Variants in SMAD2 observed in about 807,000 individuals in gnomAD.
The protein encoded by SMAD2 is MAD homolog 2.
A neutral mutation model predicts 64.4 loss-of-function variants in SMAD2; 8 were observed. The observed-to-expected ratio is 0.12, with a 90% confidence interval of 0.07 to 0.22. The LOEUF (loss-of-function observed/expected upper bound fraction) is 0.22, where lower values mean the gene tolerates loss of function less well. Ranked by LOEUF, SMAD2 falls within the 10% of genes least tolerant of loss-of-function variation. The pLI is 1.00. For missense variants in SMAD2, 289 were observed against 561.2 expected, an observed-to-expected ratio of 0.51 and a Z score of 4.90; for synonymous variants, 203 against 195.8, an observed-to-expected ratio of 1.04 and a Z score of -0.31.
intron 6 of SMAD2, among the ~76,000 whole-genome samples, chr18:47,856,025 T>C (rs907939125): frequency 1.3e-5 from 2 of 151,968 alleles, no homozygotes; most frequent in Non-Finnish European, 2.9e-5. Context: ...AATTGAATGT[T>C]ATCCTGCCTT....
intron 2 of SMAD2, among the ~76,000 whole-genome samples, chr18:47,892,479 CG>C (rs2033243605): frequency 6.6e-6 from 1 of 152,184 alleles, no homozygotes. Flanking sequence ...GGATTACAGG[CG>C]TGAGCCACCA....
intron 2 of SMAD2, among the ~76,000 whole-genome samples, chr18:47,885,561 A>G (rs1355506059): frequency 6.6e-6 from 1 of 152,220 alleles, no homozygotes; most frequent in South Asian, 2.1e-4. Flanking sequence ...TAATCTTAAA[A>G]TAAGTGCATA....
At position 47,923,321 on chromosome 18, in the gene SMAD2, G is replaced by A. The variant is rs117582125; in HGVS notation, c.-54+7040C>T. On this transcript the variant is annotated intron_variant, in intron 1 of 10. Coordinates refer to ENST00000262160, the MANE Select transcript of SMAD2 (RefSeq NM_005901.6). ...CTTCTGAAGCAGCAACTAATACCAC[G>A]TCAATTCACGTGAGTGGGGTCCTCA... 7.2e-5 allele frequency among the ~76,000 whole-genome samples: 11 copies of A among 152,120 alleles called. No individual in the cohort carries two copies. The East Asian group carries it at 1.2e-3, about 16-fold the overall frequency.
intron 7 of SMAD2, among the ~76,000 whole-genome samples, chr18:47,850,462 A>ATATTATG (rs1915216265): frequency 4.2e-4 from 5 of 11,974 alleles, no homozygotes; most frequent in Non-Finnish European, 4.2e-4. Flanking sequence ...TATATATTAT[A>ATATTATG]CATAATATAT....
At chr18:47,861,160 A>C (rs1203941689) in intron 6 of SMAD2, among the ~76,000 whole-genome samples, 1 of 152,160 alleles carries the variant, frequency 6.6e-6, no homozygotes, top group South Asian at 2.1e-4. Context: ...GTTCGAGACC[A>C]GCCTGACCAA....
rs949404228 is a variant in SMAD2, at chr18:47,824,675, A to G, written c.*17152T>C. On this transcript the variant is annotated 3_prime_UTR_variant, in exon 11 of 11. Transcript: ENST00000262160. The stretch of plus-strand genomic sequence containing the variant: ...TTCTACTGTATACTTTTATTTGGGG[A>G]TATCTGCTTCCAAACACACTAAAGT... 12 of 152,166 alleles carry G rather than the reference A, an allele frequency of 7.9e-5. No individual in the cohort carries two copies. Among genetic ancestry groups the G allele is most frequent in the African/African-American group, 2.7e-4 (11 of 41,448 alleles). 9.4% of individuals were successfully genotyped at this position (152,166 alleles called of 1,614,324 possible). A position where few individuals can be genotyped will look rare whatever the true frequency, so the allele number is the denominator to read the frequency against.
chr18:47,904,026 C>T (rs942763032), intron 1 of SMAD2, among the ~76,000 whole-genome samples: 1 of 151,740 alleles, frequency 6.6e-6, no homozygotes, highest in Non-Finnish European at 1.5e-5. Flanking sequence ...TATTAATCCA[C>T]ATATGGAAAG....
rs1300663518 is a variant in SMAD2, at chr18:47,837,790, A to G, written c.*4037T>C. The G allele has an allele frequency of 4.3e-6, 1 of 232,944 alleles. No individual in the cohort carries two copies. Among genetic ancestry groups the G allele is most frequent in the Non-Finnish European group, 8.5e-6 (1 of 117,852 alleles). The allele number at this position is 232,944 out of a possible 1,614,324, so 14.4% of individuals were successfully genotyped here. On this transcript the variant is annotated 3_prime_UTR_variant, in exon 11 of 11. Coordinates refer to ENST00000262160, the MANE Select transcript of SMAD2 (RefSeq NM_005901.6). ...TATTCATTGTTCATGTCCACAGACT[A>G]GATATCTAAAGAGATACTTGGTGGG... is the stretch of plus-strand genomic sequence containing the variant.
intron 2 of SMAD2, among the ~76,000 whole-genome samples, chr18:47,891,011 T>C (rs1014944636): frequency 6.6e-6 from 1 of 152,044 alleles, no homozygotes; most frequent in African/African-American, 2.4e-5. Context: ...TGTTTAAAAG[T>C]CTGTAAGAGG....
Position 47,864,753 on chromosome 18 carries a change from G to A in SMAD2, c.730+306C>T, listed in dbSNP as rs1380239506. On this transcript the variant is annotated intron_variant, in intron 6 of 10. Coordinates refer to ENST00000262160, the MANE Select transcript of SMAD2 (RefSeq NM_005901.6). Reference sequence around the variant, plus strand: ...TATCACAGAGAGATACTTAGTCATAGGGTTACTAAAATTTTCAACAGAAGC... The same window carrying A: ...TATCACAGAGAGATACTTAGTCATAAGGTTACTAAAATTTTCAACAGAAGC... Among the ~76,000 whole-genome samples, 3 of 152,000 alleles carry A rather than the reference G, an allele frequency of 2.0e-5. No homozygotes were observed. In the East Asian group the frequency reaches 5.8e-4, roughly 29 times the overall value.
intron 1 of SMAD2, among the ~76,000 whole-genome samples, chr18:47,911,281 G>A (rs1435851084): frequency 6.6e-6 from 1 of 151,732 alleles, no homozygotes; most frequent in East Asian, 1.9e-4. Flanking sequence ...AACCTGGGAG[G>A]CAGAGGTTGC....
chr18:47,845,860 G>C (rs2144291595), intron 8 of SMAD2, 60 bp from the exon 9 acceptor site: 1 of 1,502,282 alleles, frequency 6.7e-7, no homozygotes, highest in Non-Finnish European at 9.3e-7. Flanking sequence ...TGTGACTTTG[G>C]AAGCATTTTC....
At chr18:47,853,450 G>A in intron 6 of SMAD2, 1 of 213,788 alleles carries the variant, frequency 4.7e-6, no homozygotes, top group Non-Finnish European at 8.8e-6. Flanking sequence ...CTTGAATCCA[G>A]GAGGCGGAGG....
intron 10 of SMAD2, among the ~76,000 whole-genome samples, chr18:47,844,332 A>C (rs1314599508): frequency 1.3e-5 from 2 of 152,202 alleles, no homozygotes; most frequent in Non-Finnish European, 2.9e-5. Flanking sequence ...TTGCTGGAAG[A>C]AGCAGGAATA....
chr18:47,928,637 A>C (rs368984829), intron 1 of SMAD2, among the ~76,000 whole-genome samples: 27 of 152,256 alleles, frequency 1.8e-4, no homozygotes, highest in African/African-American at 6.5e-4. Flanking sequence ...TATTTCATGA[A>C]ACTTACAGAC....
At chr18:47,848,425 A>G in intron 8 of SMAD2, 50 bp downstream of exon 8, 2 of 1,358,772 alleles carry the variant, frequency 1.5e-6, no homozygotes, top group Non-Finnish European at 2.1e-6. Context: ...CAATGCCTAC[A>G]TTATGAGTAT....
chr18:47,877,429 G>C (rs1056818273), intron 2 of SMAD2, among the ~76,000 whole-genome samples: 3 of 151,852 alleles, frequency 2.0e-5, no homozygotes, highest in Admixed American at 2.0e-4. Context: ...TAAAAGTTTA[G>C]ATTTAAACAG....
rs542387914 is a variant in SMAD2 at position 47,818,514 on chromosome 18, T to C, written c.*23313A>G. On this transcript the variant is annotated 3_prime_UTR_variant, in exon 11 of 11. Coordinates refer to ENST00000262160, the MANE Select transcript of SMAD2 (RefSeq NM_005901.6). ...TAGCATAAAAATTGCTTGCCTGCTA[T>C]GCAAAGGCTAAAAGAACAAAACAAA... 5.3e-5 allele frequency: 8 copies of C among 152,308 alleles called. 1 individual carries two copies. In the South Asian group the frequency reaches 1.2e-3, roughly 24 times the overall value. The allele number at this position is 152,308 out of a possible 1,614,324, so 9.4% of individuals were successfully genotyped here. A position where few individuals can be genotyped will look rare whatever the true frequency, so the allele number is the denominator to read the frequency against.
At chr18:47,927,898 C>CAAAAT (rs968368646) in intron 1 of SMAD2, among the ~76,000 whole-genome samples, 14 of 152,172 alleles carry the variant, frequency 9.2e-5, no homozygotes, top group Non-Finnish European at 1.6e-4. Context: ...AACTCCGTCT[C>CAAAAT]AAAATAAAAT....
Sources: allele counts gnomAD v4.1 joint callset (sites outside exome capture counted in the v4.1 genomes callset), GRCh38; gene constraint gnomAD v4.1.1; transcripts MANE v1.5; gene names NCBI Gene and HGNC (gene_info 2026-07-23, HGNC 2026-07-21).